Variants in CMYA5 observed in about 807,000 individuals in gnomAD.
CMYA5 encodes cardiomyopathy-associated protein 5.
Under a neutral mutation model 318.9 loss-of-function variants are expected in CMYA5, and 246 were observed. That is an observed-to-expected ratio of 0.77 (90% CI 0.70 to 0.86). CMYA5 has a LOEUF of 0.86. Ranked by LOEUF, CMYA5 falls within the 40% of genes least tolerant of loss-of-function variation. The pLI, the probability that CMYA5 is intolerant of heterozygous loss-of-function variation, is 0.00. For missense variants in CMYA5, 4,589 were observed against 4,678.2 expected (o/e 0.98, Z 0.56); for synonymous variants, 1,641 against 1,729.5 (o/e 0.95, Z 1.27).
Position 79,799,859 on chromosome 5 carries a change from CTT to C in CMYA5, c.*245_*246del. 5.2e-6 allele frequency: 1 copy of C among 191,150 alleles called. No individual in the cohort carries two copies. Among genetic ancestry groups the C allele is most frequent in the Non-Finnish European group, 9.5e-6 (1 of 105,600 alleles). 11.8% of individuals were successfully genotyped at this position (191,150 alleles called of 1,614,324 possible). On this transcript the variant is annotated 3_prime_UTR_variant, in exon 13 of 13. Transcript: ENST00000446378. Reference sequence around the variant, plus strand: ...TCTTTAGTTTATATAAGTTTGAGTTCTTTCCTAAATTAAAAGATCTACACTTG... The same window carrying C: ...TCTTTAGTTTATATAAGTTTGAGTTCTCCTAAATTAAAAGATCTACACTTG...
At position 79,734,356 on chromosome 5, in the gene CMYA5, A is replaced by G; in HGVS notation, c.5591A>G (p.Glu1864Gly). The change falls in exon 2 of 13, where the codon GAA (glutamate) becomes GGA (glycine). Residue 1864 changes from glutamate to glycine, a missense_variant. Physicochemically the swap from Glu to Gly is moderately conservative, Grantham distance 98. Around this residue, in one of 3 missense-constraint regions of CMYA5, gnomAD observed 2,132 missense variants for 2,131.3 expected, o/e 1.00. Coordinates refer to ENST00000446378, the MANE Select transcript of CMYA5 (RefSeq NM_153610.5). ...FSLMRENLPL[E>G]QSKSFMTTKP... ...CTTATGAGAGAGAATTTGCCTTTGG[A>G]ACAATCAAAATCATTTATGACAACC... 1.9e-6 allele frequency: 3 copies of G among 1,613,910 alleles called. 1 individual carries two copies. The South Asian group carries it at 3.3e-5, about 18-fold the overall frequency.
intron 1 of CMYA5, among the ~76,000 whole-genome samples, chr5:79,705,564 T>C (rs1021560681): frequency 6.6e-6 from 1 of 152,118 alleles, no homozygotes; most frequent in Non-Finnish European, 1.5e-5. Flanking sequence ...AGAACTTTTA[T>C]TTCCCACCCA....
intron 1 of CMYA5, among the ~76,000 whole-genome samples, chr5:79,690,471 G>C (rs1826946749): frequency 6.6e-6 from 1 of 152,116 alleles, no homozygotes; most frequent in African/African-American, 2.4e-5. Context: ...GTCTCCCCGG[G>C]GGCCTAGCAG....
intron 1 of CMYA5, among the ~76,000 whole-genome samples, chr5:79,693,109 T>C (rs182563670): frequency 2.6e-5 from 4 of 152,328 alleles, no homozygotes; most frequent in African/African-American, 9.6e-5. Flanking sequence ...GCCTTCATCA[T>C]TGGAGCAGTG....
chr5:79,729,433 G>A lies in CMYA5; in HGVS notation c.668G>A (p.Gly223Glu), dbSNP rs757381527. The change falls in exon 2 of 13, where the codon GGA becomes GAA. Residue 223 changes from glycine (G) to glutamate (E), a missense_variant. Gly to Glu is a moderately conservative substitution (Grantham distance 98). Around this residue, in one of 3 missense-constraint regions of CMYA5, gnomAD observed 2,132 missense variants for 2,131.3 expected, o/e 1.00. Transcript: ENST00000446378. Reference sequence around the variant, plus strand: ...TTAGTGTTAAGACCAGTCTACATAGGAACAGTACAATATAAAATTAAGATG... The same window carrying A: ...TTAGTGTTAAGACCAGTCTACATAGAAACAGTACAATATAAAATTAAGATG... ...KPLVLRPVYI[G>E]TVQYKIKMFN... 5.0e-6 allele frequency: 8 copies of A among 1,613,382 alleles called. No individual in the cohort carries two copies.
At chr5:79,768,428 TG>T (rs1828794625) in intron 9 of CMYA5, among the ~76,000 whole-genome samples, 1 of 152,208 alleles carries the variant, frequency 6.6e-6, no homozygotes, top group African/African-American at 2.4e-5. Context: ...GTTTTTGCTG[TG>T]GGTGGTATTG....
chr5:79,735,415 T>G lies in CMYA5; in HGVS notation c.6650T>G (p.Ile2217Arg). The change falls in exon 2 of 13, where the codon ATA becomes AGA. Residue 2217 changes from isoleucine (I) to arginine (R), a missense_variant. Around this residue, in one of 3 missense-constraint regions of CMYA5, gnomAD observed 2,431 missense variants for 2,495.1 expected, o/e 0.97. Transcript: ENST00000446378. Reference sequence around the variant, plus strand: ...TCCGTAGAAAAAGCAGTGACTGTGATAGATCCTGAAGGTACAATTCCCACC... The same window carrying G: ...TCCGTAGAAAAAGCAGTGACTGTGAGAGATCCTGAAGGTACAATTCCCACC... ...SPSVEKAVTV[I>R]DPEGTIPTNF... 6.2e-7 allele frequency: 1 copy of G among 1,613,908 alleles called. No homozygotes were observed. The highest frequency in any genetic ancestry group is 1.1e-5 in the South Asian group (1 of 91,082).
intron 2 of CMYA5, among the ~76,000 whole-genome samples, chr5:79,742,086 C>T (rs1369301628): frequency 2.5e-5 from 3 of 118,750 alleles, no homozygotes; most frequent in African/African-American, 3.5e-5. Context: ...TCTTCTTCTT[C>T]TTCTTCTTCT....
Position 79,734,149 on chromosome 5 carries a change from G to A in CMYA5, c.5384G>A (p.Gly1795Asp), listed in dbSNP as rs769582531. 1 of 1,613,728 alleles carries A rather than the reference G, an allele frequency of 6.2e-7. No homozygotes were observed. Among genetic ancestry groups the A allele is most frequent in the Admixed American group, 1.7e-5 (1 of 59,976 alleles). Residue 1795 changes from glycine (G) to aspartate (D), a missense_variant, in exon 2 of 13, where the codon GGC becomes GAC. Gly to Asp is a moderately conservative substitution (Grantham distance 94). Coordinates refer to ENST00000446378, the MANE Select transcript of CMYA5 (RefSeq NM_153610.5). ...TTAGATAAGCTAAGTGAAGAAACAG[G>A]CCACCCAAATTCATCCCAGGTACTC... ...DILDKLSEETGHPNSSQVLQS... is the reference protein window; with the variant it reads ...DILDKLSEETDHPNSSQVLQS...
At chr5:79,795,103 A>G (rs1013014125) in intron 12 of CMYA5, among the ~76,000 whole-genome samples, 2 of 152,204 alleles carry the variant, frequency 1.3e-5, no homozygotes, top group Admixed American at 1.3e-4. Context: ...AGACAAAATT[A>G]TGTATTTTGT....
At chr5:79,745,915 A>AAGGAT (rs1452492841) in intron 4 of CMYA5, among the ~76,000 whole-genome samples, 1 of 152,162 alleles carries the variant, frequency 6.6e-6, no homozygotes, top group African/African-American at 2.4e-5. Flanking sequence ...GGGTGTGCAA[A>AAGGAT]AGGATGACAT....
Position 79,731,219 on chromosome 5 carries a change from G to A in CMYA5, c.2454G>A (p.Glu818=). 1.2e-6 allele frequency: 2 copies of A among 1,613,934 alleles called. No individual in the cohort carries two copies. Among genetic ancestry groups the A allele is most frequent in the Non-Finnish European group, 1.7e-6 (2 of 1,179,886 alleles). The change falls in exon 2 of 13, where the codon GAG becomes GAA. Residue 818 remains glutamate, a synonymous_variant. Coordinates refer to ENST00000446378, the MANE Select transcript of CMYA5 (RefSeq NM_153610.5). ...AATCTCAAAAGAAAATAATCAATGA[G>A]GCATCCCAATTCAAACCAAAAGGTA... The part of the protein sequence containing the change: ...TQESQKKIIN[E]ASQFKPKGIS...
At position 79,733,619 on chromosome 5, in the gene CMYA5, G is replaced by C. The variant is rs768972188; in HGVS notation, c.4854G>C (p.Leu1618=). The C allele has an allele frequency of 1.9e-6, 3 of 1,613,340 alleles. No homozygotes were observed. The highest frequency in any genetic ancestry group is 2.5e-6 in the Non-Finnish European group (3 of 1,179,756). The change falls in exon 2 of 13, where the codon CTG becomes CTC. Residue 1618 remains leucine (L), a synonymous_variant. Coordinates refer to ENST00000446378, the MANE Select transcript of CMYA5 (RefSeq NM_153610.5). ...SEKQDVALAE[L]SLEPEKKDKP... is the part of the protein sequence containing the mutation. Reference sequence around the variant, plus strand: ...AACAAGATGTTGCTTTGGCAGAGCTGTCTTTGGAACCTGAGAAGAAAGACA... The same window carrying C: ...AACAAGATGTTGCTTTGGCAGAGCTCTCTTTGGAACCTGAGAAGAAAGACA...
Position 79,752,756 on chromosome 5 carries a change from G to T in CMYA5, c.11072G>T (p.Ser3691Ile), listed in dbSNP as rs1828453958. ...AFSLFEHYDD[S>I]SARSDQMLKQ... ...TCCCTTTTCGAACATTATGATGACA[G>T]CTCGGCAAGAAGTGACCAGATGTTA... The change falls in exon 6 of 13, where the codon AGC becomes ATC. Residue 3691 changes from serine (S) to isoleucine (I), a missense_variant. Ser to Ile is a moderately radical substitution (Grantham distance 142). Transcript: ENST00000446378. The T allele has an allele frequency of 1.2e-6, 2 of 1,613,512 alleles. No homozygotes were observed. The highest frequency in any genetic ancestry group is 1.7e-6 in the Non-Finnish European group (2 of 1,179,658).
chr5:79,725,389 C>T (rs571362243), intron 1 of CMYA5, among the ~76,000 whole-genome samples: 2 of 152,258 alleles, frequency 1.3e-5, no homozygotes, highest in East Asian at 3.9e-4. Context: ...CACATGTTCT[C>T]ACTTATAAGT....
At chr5:79,755,064 T>C (rs1467913683) in intron 6 of CMYA5, among the ~76,000 whole-genome samples, 5 of 152,192 alleles carry the variant, frequency 3.3e-5, no homozygotes, top group Admixed American at 6.5e-5. Flanking sequence ...TTTTGGCTAT[T>C]GTGAATAATG....
At position 79,734,596 on chromosome 5, in the gene CMYA5, A is replaced by G; in HGVS notation, c.5831A>G (p.Lys1944Arg). The change falls in exon 2 of 13, where the codon AAG becomes AGG. Residue 1944 changes from lysine (K) to arginine (R), a missense_variant. By Grantham distance (26) the Lys-to-Arg change is conservative. Coordinates refer to ENST00000446378, the MANE Select transcript of CMYA5 (RefSeq NM_153610.5). ...SSKDHTCEVR[K>R]QVLPHSAEES... ...AAGGACCATACATGTGAAGTGAGAAAGCAGGTCCTGCCGCATTCTGCTGAA... is the reference window on the plus strand; with the variant it reads ...AAGGACCATACATGTGAAGTGAGAAGGCAGGTCCTGCCGCATTCTGCTGAA... 6.2e-7 allele frequency: 1 copy of G among 1,613,870 alleles called. No individual in the cohort carries two copies. The highest frequency in any genetic ancestry group is 8.5e-7 in the Non-Finnish European group (1 of 1,179,824).
At chr5:79,762,720 T>A (rs940011747) in intron 8 of CMYA5, 3 of 202,572 alleles carry the variant, frequency 1.5e-5, no homozygotes, top group African/African-American at 6.9e-5. Flanking sequence ...GAGCACCTAC[T>A]GAGGACAAGA....
chr5:79,745,276 A>G lies in CMYA5; in HGVS notation c.10789A>G (p.Lys3597Glu), dbSNP rs185458523. 7.4e-6 allele frequency: 12 copies of G among 1,611,608 alleles called. No individual in the cohort carries two copies. Among genetic ancestry groups the G allele is most frequent in the Non-Finnish European group, 1.0e-5 (12 of 1,178,800 alleles). The change falls in exon 4 of 13, where the codon AAG becomes GAG. Residue 3597 changes from lysine (K) to glutamate (E), a missense_variant. By Grantham distance (56) the Lys-to-Glu change is moderately conservative. Transcript: ENST00000446378. ...AGAAGAACAGAATGAGGAAATGATGAAGAAGGTTTTAGCACAGTATGATGA... is the reference window on the plus strand; with the variant it reads ...AGAAGAACAGAATGAGGAAATGATGGAGAAGGTTTTAGCACAGTATGATGA... ...RLEEQNEEMM[K>E]KVLAQYDEKA... is the part of the protein sequence containing the mutation.
Sources: allele counts gnomAD v4.1 joint callset (sites outside exome capture counted in the v4.1 genomes callset), GRCh38; gene constraint gnomAD v4.1.1; regional missense constraint gnomAD v4.1.1; transcripts MANE v1.5; gene names NCBI Gene and HGNC (gene_info 2026-07-23, HGNC 2026-07-21).